Variants in ANO5 observed in about 807,000 individuals in gnomAD.
The protein encoded by ANO5 is anoctamin-5.
ANO5 carries 109 observed loss-of-function variants against 121.0 expected under a neutral mutation model. The observed-to-expected ratio is 0.90, with a 90% CI of 0.77 to 1.06. ANO5 has a LOEUF of 1.06. Among genes scored for constraint, ANO5 ranks in the 50% least tolerant of loss-of-function variants. The probability of loss-of-function intolerance (pLI) is 0.00; values close to 1 mark genes in which losing one functional copy is unlikely to be tolerated. For synonymous variants in ANO5, 406 were observed against 359.9 expected (o/e 1.13, Z -1.45); for missense variants, 1,064 against 1,078.5 (o/e 0.99, Z 0.19).
chr11:22,200,417 G>A (rs1851931781), intron 1 of ANO5, among the ~76,000 whole-genome samples: 1 of 152,016 alleles, frequency 6.6e-6, no homozygotes, highest in Non-Finnish European at 1.5e-5. Context: ...AGGCAACCAT[G>A]GTACTTTGGA....
intron 19 of ANO5, 62 bp downstream of exon 19, chr11:22,273,051 T>A: frequency 1.4e-6 from 2 of 1,438,992 alleles, no homozygotes; most frequent in South Asian, 2.3e-5. Flanking sequence ...TGGGGAGATG[T>A]GAATGATGCT....
chr11:22,197,139 T>G (rs1851837369), intron 1 of ANO5, among the ~76,000 whole-genome samples: 1 of 152,164 alleles, frequency 6.6e-6, no homozygotes, highest in Admixed American at 6.5e-5. Context: ...AACATAACAT[T>G]TTGCCTTTTA....
intron 12 of ANO5, 45 bp downstream of exon 12, chr11:22,251,056 G>A (rs1374581124): frequency 6.5e-6 from 10 of 1,541,354 alleles, no homozygotes; most frequent in Non-Finnish European, 8.9e-7. Context: ...TCCTATTAAT[G>A]TGTTGTTTTG....
chr11:22,274,794 C>A (rs374635714), intron 20 of ANO5, 47 bp downstream of exon 20: 66 of 1,589,294 alleles, frequency 4.2e-5, no homozygotes, highest in Non-Finnish European at 5.2e-5. Flanking sequence ...ATCCCTTAAG[C>A]GTATTTCTTA....
At position 22,251,720 on chromosome 11, in the gene ANO5, A is replaced by G. The variant is rs74233079; in HGVS notation, c.1180+709A>G. Among the ~76,000 whole-genome samples the G allele has an allele frequency of 0.013, 2,032 of 152,110 alleles. 145 individuals carry two copies. In the East Asian group the frequency reaches 0.21, roughly 16 times the overall value. ...AAACACCTCTAACAAACACAAATAT[A>G]TGCCATTCAAAACTGGGCAAGGGCG... On this transcript the variant is annotated intron_variant, in intron 12 of 21. Transcript: ENST00000324559.
chr11:22,250,846 G>GGTAT lies in ANO5; in HGVS notation c.1119+6_1119+9dup, dbSNP rs1203668794. On this transcript the variant is annotated frameshift_variant and splice_region_variant. Coordinates refer to ENST00000324559, the MANE Select transcript of ANO5 (RefSeq NM_213599.3). LOFTEE classifies it high-confidence loss of function. ...TAAATAGTACGTGTTTGGCTTCAAAGGTATGTATGCATTGTAACATGTTGA... is the reference window on the plus strand; with the variant it reads ...TAAATAGTACGTGTTTGGCTTCAAAGGTATGTATGTATGCATTGTAACATGTTGA... The GGTAT allele has an allele frequency of 6.2e-7, 1 of 1,613,408 alleles. No individual in the cohort carries two copies.
chr11:22,246,141 G>C (rs1048493440), intron 9 of ANO5, among the ~76,000 whole-genome samples: 1 of 151,978 alleles, frequency 6.6e-6, no homozygotes, highest in East Asian at 1.9e-4. Flanking sequence ...TCTTCTCTTT[G>C]TATCTGATTC....
At chr11:22,256,764 G>A (rs1422018878) in intron 13 of ANO5, among the ~76,000 whole-genome samples, 4 of 151,626 alleles carry the variant, frequency 2.6e-5, no homozygotes, top group Non-Finnish European at 5.9e-5. Flanking sequence ...TTTACTTATT[G>A]CAGTGCTTCC....
chr11:22,257,763 T>C lies in ANO5; in HGVS notation c.1407+9T>C, dbSNP rs1333132617. 1 of 1,603,332 alleles carries C rather than the reference T, an allele frequency of 6.2e-7. No homozygotes were observed. Among genetic ancestry groups the C allele is most frequent in the Admixed American group, 1.7e-5 (1 of 59,954 alleles). On this transcript the variant is annotated intron_variant, in intron 14 of 21. Coordinates refer to ENST00000324559, the MANE Select transcript of ANO5 (RefSeq NM_213599.3). Reference sequence around the variant, plus strand: ...CCACAGTGACATTATGGGTGAGCATTTCTTTAAAAATTGCTATAATTTCTT... The same window carrying C: ...CCACAGTGACATTATGGGTGAGCATCTCTTTAAAAATTGCTATAATTTCTT...
At chr11:22,255,306 G>T in intron 12 of ANO5, 65 bp from the exon 13 acceptor site, 3 of 1,329,064 alleles carry the variant, frequency 2.3e-6, no homozygotes, top group Non-Finnish European at 3.1e-6. Context: ...AGTAATTAAA[G>T]GGAAAAGTTG....
At chr11:22,276,723 A>G (rs865817952) in intron 21 of ANO5, among the ~76,000 whole-genome samples, 51 of 151,798 alleles carry the variant, frequency 3.4e-4, no homozygotes, top group South Asian at 1.2e-3. Context: ...TAGTGTAGTT[A>G]TAGAGATAAG....
At chr11:22,262,694 T>C (rs1388302247) in intron 16 of ANO5, among the ~76,000 whole-genome samples, 1 of 152,136 alleles carries the variant, frequency 6.6e-6, no homozygotes, top group Admixed American at 6.5e-5. Context: ...AACCCAGATA[T>C]AAAGAACTCA....
intron 17 of ANO5, among the ~76,000 whole-genome samples, chr11:22,269,517 GAA>G (rs1469524350): frequency 9.2e-6 from 1 of 108,296 alleles, no homozygotes; most frequent in East Asian, 3.3e-4. Context: ...AAGAAAAAAA[GAA>G]AAGGAAGGAA....
At chr11:22,203,674 C>A in intron 1 of ANO5, 130 bp from the exon 2 acceptor site, 1 of 600,942 alleles carries the variant, frequency 1.7e-6, no homozygotes, top group South Asian at 2.1e-5. Flanking sequence ...CATCTTGTAT[C>A]TTTTCTTCTA....
intron 5 of ANO5, among the ~76,000 whole-genome samples, chr11:22,225,143 C>CT (rs200429188): frequency 9.2e-5 from 14 of 151,718 alleles, no homozygotes; most frequent in East Asian, 3.9e-4. Context: ...AGAAAAAATG[C>CT]TTTTTTTTGT....
chr11:22,262,103 C>G, intron 15 of ANO5, 26 bp from the exon 16 acceptor site: 2 of 1,611,510 alleles, frequency 1.2e-6, no homozygotes, highest in Non-Finnish European at 1.7e-6. Context: ...AGAAGATGCA[C>G]TAAACATTTT....
intron 2 of ANO5, 38 bp downstream of exon 2, chr11:22,203,888 C>A: frequency 2.2e-6 from 3 of 1,334,722 alleles, no homozygotes; most frequent in Admixed American, 1.8e-5. Flanking sequence ...CCTTATAAGT[C>A]AGAATAAAAA....
chr11:22,226,230 G>C (rs1004518912), intron 6 of ANO5, among the ~76,000 whole-genome samples, 178 bp downstream of exon 6: 5 of 152,072 alleles, frequency 3.3e-5, no homozygotes, highest in African/African-American at 1.2e-4. Flanking sequence ...TGAGTACTGT[G>C]AATATGCAGT....
chr11:22,239,275 G>A (rs1158343578), intron 8 of ANO5, among the ~76,000 whole-genome samples: 4 of 152,082 alleles, frequency 2.6e-5, no homozygotes, highest in East Asian at 1.9e-4. Context: ...TCTCTGGGCC[G>A]TGAATATTAT....
Sources: gnomAD v4.1 joint callset for allele counts (sites outside exome capture counted in the v4.1 genomes callset) on GRCh38, gnomAD v4.1.1 for gene constraint, MANE v1.5 for transcripts, NCBI Gene and HGNC (gene_info 2026-07-23, HGNC 2026-07-21) for gene names.